Variants in ABLIM3 observed in about 807,000 individuals in gnomAD.
The protein encoded by ABLIM3 is actin-binding LIM protein 3.
ABLIM3 carries 61 observed loss-of-function variants against 109.5 expected under a neutral mutation model. The observed-to-expected ratio is 0.56, with a 90% confidence interval of 0.45 to 0.69. The LOEUF (loss-of-function observed/expected upper bound fraction) is 0.69. ABLIM3 is among the 30% of genes least tolerant of loss of function. The probability of loss-of-function intolerance (pLI) is 0.00; values close to 1 mark genes in which losing one functional copy is unlikely to be tolerated. For synonymous variants in ABLIM3, 300 were observed against 324.8 expected, an observed-to-expected ratio of 0.92 and a Z score of 0.82; for missense variants, 796 against 889.5, an observed-to-expected ratio of 0.89 and a Z score of 1.34.
chr5:149,178,107 C>T (rs988958568), intron 2 of ABLIM3, among the ~76,000 whole-genome samples: 3 of 152,144 alleles, frequency 2.0e-5, no homozygotes, highest in East Asian at 1.9e-4. Context: ...GAAACAGGAT[C>T]GGCACCTGGG....
At chr5:149,197,584 C>G (rs1758100080) in intron 3 of ABLIM3, among the ~76,000 whole-genome samples, 1 of 152,084 alleles carries the variant, frequency 6.6e-6, no homozygotes, top group Non-Finnish European at 1.5e-5. Context: ...CTATGGTGAG[C>G]ACAGATTCTA....
At chr5:149,208,970 C>T (rs1326637159) in intron 6 of ABLIM3, among the ~76,000 whole-genome samples, 1 of 152,180 alleles carries the variant, frequency 6.6e-6, no homozygotes, top group East Asian at 1.9e-4. Context: ...CCAGCCTGGG[C>T]AAGGCCAGGG....
At chr5:149,187,897 C>T (rs1201078066) in intron 3 of ABLIM3, among the ~76,000 whole-genome samples, 1 of 152,192 alleles carries the variant, frequency 6.6e-6, no homozygotes, top group Non-Finnish European at 1.5e-5. Context: ...GGAAACGACA[C>T]AGCAGCAGGG....
At chr5:149,144,974 C>T (rs771529443) in intron 2 of ABLIM3, among the ~76,000 whole-genome samples, 46 of 152,182 alleles carry the variant, frequency 3.0e-4, no homozygotes, top group Non-Finnish European at 5.9e-4. Context: ...TCTGCAAATA[C>T]TGTATTTTTT....
chr5:149,239,842 C>T lies in ABLIM3; in HGVS notation c.1158C>T (p.Gly386=), dbSNP rs1752616794. ...ACTCCCCCACCTACAGCCGGCAGGG[C>T]ATGTCCCCCACCTTCTCCCGCTCAC... ...YIDSPTYSRQ[G]MSPTFSRSPH... is the part of the protein sequence containing the mutation. The change falls in exon 13 of 24, where the codon GGC becomes GGT. Residue 386 remains glycine (G), a synonymous_variant. Coordinates refer to ENST00000309868, the MANE Select transcript of ABLIM3 (RefSeq NM_014945.5). 6.2e-7 allele frequency: 1 copy of T among 1,610,966 alleles called. No homozygotes were observed.
intron 16 of ABLIM3, among the ~76,000 whole-genome samples, chr5:149,246,008 T>A (rs536088669): frequency 6.6e-6 from 1 of 152,102 alleles, no homozygotes; most frequent in East Asian, 1.9e-4. Flanking sequence ...AAAAAATTTT[T>A]AAAAATTATC....
At chr5:149,193,023 G>A (rs1757640423) in intron 3 of ABLIM3, among the ~76,000 whole-genome samples, 1 of 152,008 alleles carries the variant, frequency 6.6e-6, no homozygotes, top group African/African-American at 2.4e-5. Context: ...GCAATTAAGG[G>A]ACTTAAGAGG....
At chr5:149,171,671 T>C (rs904809216) in intron 2 of ABLIM3, among the ~76,000 whole-genome samples, 76 of 152,206 alleles carry the variant, frequency 5.0e-4, no homozygotes, top group Admixed American at 6.5e-5. Context: ...GTATGGAACA[T>C]AGGATGTGGA....
intron 2 of ABLIM3, among the ~76,000 whole-genome samples, chr5:149,159,179 G>A (rs921798973): frequency 2.6e-5 from 4 of 152,100 alleles, no homozygotes; most frequent in African/African-American, 9.7e-5. Context: ...TTTACACAAT[G>A]GCATACTATT....
rs111760535 is a variant in ABLIM3 at position 149,252,193 on chromosome 5, C to G, written c.1850-8C>G. 1.2e-6 allele frequency: 2 copies of G among 1,613,748 alleles called. No individual in the cohort carries two copies. Among genetic ancestry groups the G allele is most frequent in the South Asian group, 2.2e-5 (2 of 90,998 alleles). ...ATTCTGTGTGTGTGTCTCTTTTTCT[C>G]TCTGCAGAGTACAAGGTAAAGGATG... On this transcript the variant is annotated splice_polypyrimidine_tract_variant and splice_region_variant and intron_variant, in intron 21 of 23. Transcript: ENST00000309868.
At chr5:149,220,930 A>G (rs1410895960) in intron 8 of ABLIM3, 1 of 152,226 alleles carries the variant, frequency 6.6e-6, no homozygotes, top group South Asian at 2.1e-4. Flanking sequence ...GTCCTGGTGG[A>G]GTTCACTCTC....
At position 149,210,875 on chromosome 5, in the gene ABLIM3, A is replaced by G; in HGVS notation, c.669+56A>G. On this transcript the variant is annotated intron_variant, in intron 7 of 23. Coordinates refer to ENST00000309868, the MANE Select transcript of ABLIM3 (RefSeq NM_014945.5). ...GGCAGGGTGATCTGTGCCTCCAAAA[A>G]GTCATCACAGAAGAAGGAGAAAGTC... 4.0e-6 allele frequency: 6 copies of G among 1,509,256 alleles called. No homozygotes were observed. The South Asian group carries it at 6.7e-5, about 17-fold the overall frequency. 93.5% of individuals were successfully genotyped at this position (1,509,256 alleles called of 1,614,324 possible).
chr5:149,185,870 A>T (rs1193510303), intron 3 of ABLIM3, among the ~76,000 whole-genome samples: 1 of 152,082 alleles, frequency 6.6e-6, no homozygotes, highest in African/African-American at 2.4e-5. Context: ...CCCTGCTGTG[A>T]CTCCCAATGC....
At chr5:149,151,069 A>G (rs1045541303) in intron 2 of ABLIM3, among the ~76,000 whole-genome samples, 6 of 152,244 alleles carry the variant, frequency 3.9e-5, no homozygotes, top group Admixed American at 6.5e-5. Flanking sequence ...GGGTGGTTTA[A>G]ACAACAGAAA....
chr5:149,169,887 T>C (rs902648939), intron 2 of ABLIM3, among the ~76,000 whole-genome samples: 1 of 152,200 alleles, frequency 6.6e-6, no homozygotes, highest in Non-Finnish European at 1.5e-5. Context: ...TAATGGAAGA[T>C]TGTGATTTTG....
In ABLIM3 at chr5:149,247,926, G is replaced by A. The variant is rs761988204; in HGVS notation, c.1696G>A (p.Gly566Ser). The change falls in exon 18 of 24, where the codon GGC (glycine) becomes AGC (serine). Residue 566 changes from glycine (G) to serine (S), a missense_variant. Transcript: ENST00000309868. ...HTAGYEMSLNGSPRSHYLADS... is the reference protein window; with the variant it reads ...HTAGYEMSLNSSPRSHYLADS... The stretch of plus-strand genomic sequence containing the variant: ...AGCTGGCTATGAGATGTCCCTCAAT[G>A]GCTGTAAGCATGGCTCTGGAAGCCC... The A allele has an allele frequency of 6.2e-7, 1 of 1,613,930 alleles. No individual in the cohort carries two copies. Among genetic ancestry groups the A allele is most frequent in the South Asian group, 1.1e-5 (1 of 91,032 alleles).
chr5:149,252,301 G>A (rs1581250074), intron 22 of ABLIM3, 93 bp downstream of exon 22: 1 of 1,422,046 alleles, frequency 7.0e-7, no homozygotes, highest in Non-Finnish European at 9.7e-7. Context: ...GTCTATGTAG[G>A]GAAGGGAACA....
intron 2 of ABLIM3, among the ~76,000 whole-genome samples, chr5:149,154,080 A>G (rs1753669470): frequency 6.6e-6 from 1 of 152,236 alleles, no homozygotes. Flanking sequence ...ACTGCTTTGC[A>G]ATAGTCTAAT....
Position 149,252,279 on chromosome 5 carries a change from G to A in ABLIM3, c.1857+71G>A, listed in dbSNP as rs1032956925. On this transcript the variant is annotated intron_variant, in intron 22 of 23. Coordinates refer to ENST00000309868, the MANE Select transcript of ABLIM3 (RefSeq NM_014945.5). ...CCGCTACACTGGGGATCACCAGGAGGATGACAGCACTGTCTATGTAGGGAA... is the reference window on the plus strand; with the variant it reads ...CCGCTACACTGGGGATCACCAGGAGAATGACAGCACTGTCTATGTAGGGAA... The A allele has an allele frequency of 3.8e-6, 6 of 1,561,890 alleles. No homozygotes were observed. In the East Asian group the frequency reaches 1.4e-4, roughly 35 times the overall value.
Sources: allele counts gnomAD v4.1 joint callset (sites outside exome capture counted in the v4.1 genomes callset), GRCh38; gene constraint gnomAD v4.1.1; transcripts MANE v1.5; gene names NCBI Gene and HGNC (gene_info 2026-07-23, HGNC 2026-07-21).